ZBTB7C: variants seen among roughly 807,000 people sequenced by gnomAD.
ZBTB7C encodes zinc finger and BTB domain-containing protein 7C.
ZBTB7C carries 8 observed loss-of-function variants against 25.7 expected under a neutral mutation model. The ratio of observed to expected loss-of-function variants is 0.31; its 90% CI spans 0.18 to 0.56. The LOEUF is 0.56. Among genes scored for constraint, ZBTB7C ranks in the 20% least tolerant of loss-of-function variants. The pLI, the probability that ZBTB7C is intolerant of heterozygous loss-of-function variation, is 0.91. For synonymous variants in ZBTB7C, 394 were observed against 369.0 expected, an observed-to-expected ratio of 1.07 and a Z score of -0.78; for missense variants, 824 against 855.2, an observed-to-expected ratio of 0.96 and a Z score of 0.46.
At position 48,154,540 on chromosome 18, in the gene ZBTB7C, C is replaced by G. The variant is rs530869015; in HGVS notation, c.-17+31394G>C. Among the ~76,000 whole-genome samples the G allele has an allele frequency of 7.9e-5, 12 of 152,366 alleles. No individual in the cohort carries two copies. In the East Asian group the frequency reaches 1.7e-3, roughly 22 times the overall value. On this transcript the variant is annotated intron_variant, in intron 3 of 4. Transcript: ENST00000590800. ...CTGTTCAATTCTTTAAGGGTTCCCT[C>G]TCCCGACTTAACAGTCCCTTTGGGT...
At chr18:48,066,150 A>G (rs1279447857) in intron 3 of ZBTB7C, among the ~76,000 whole-genome samples, 1 of 152,190 alleles carries the variant, frequency 6.6e-6, no homozygotes, top group Non-Finnish European at 1.5e-5. Context: ...CTGAGGCCCC[A>G]TAATCCTTGC....
chr18:48,303,489 G>A (rs9304360), intron 2 of ZBTB7C, among the ~76,000 whole-genome samples: 22,240 of 152,222 alleles, frequency 0.15, 1,794 homozygotes, highest in Non-Finnish European at 0.19. Context: ...GACACTACAA[G>A]TTCATTCCTT....
intron 1 of ZBTB7C, among the ~76,000 whole-genome samples, chr18:48,368,418 T>G (rs1258208726): frequency 6.6e-6 from 1 of 151,300 alleles, no homozygotes; most frequent in African/African-American, 2.4e-5. Flanking sequence ...AAAATGAAAA[T>G]AGACTAGGGG....
intron 2 of ZBTB7C, among the ~76,000 whole-genome samples, chr18:48,317,092 G>A (rs530579494): frequency 6.6e-6 from 1 of 152,198 alleles, no homozygotes; most frequent in African/African-American, 2.4e-5. Context: ...GGCCAACATG[G>A]TGAAACCCTG....
chr18:48,109,772 G>A (rs1294201544), intron 3 of ZBTB7C, among the ~76,000 whole-genome samples: 2 of 152,056 alleles, frequency 1.3e-5, no homozygotes, highest in Non-Finnish European at 2.9e-5. Flanking sequence ...ACTACAAAAG[G>A]TATTTATTAA....
intron 3 of ZBTB7C, among the ~76,000 whole-genome samples, chr18:48,167,719 A>G (rs1182135730): frequency 6.6e-6 from 1 of 152,224 alleles, no homozygotes; most frequent in Non-Finnish European, 1.5e-5. Context: ...AACAGGATTA[A>G]TAGTCCTTTT....
At chr18:48,149,672 G>A (rs2040610503) in intron 3 of ZBTB7C, 1 of 152,134 alleles carries the variant, frequency 6.6e-6, no homozygotes, top group Admixed American at 6.6e-5. Flanking sequence ...TCAAAACAAC[G>A]AGCTTGGCCT....
intron 3 of ZBTB7C, among the ~76,000 whole-genome samples, chr18:48,053,294 G>A (rs1244613668): frequency 1.3e-5 from 2 of 152,142 alleles, no homozygotes; most frequent in Non-Finnish European, 2.9e-5. Flanking sequence ...CACCCCACAG[G>A]CCTTGCATGC....
upstream of ZBTB7C, among the ~76,000 whole-genome samples, chr18:48,410,333 C>T (rs1008361991): frequency 5.9e-5 from 9 of 152,216 alleles, no homozygotes; most frequent in African/African-American, 2.2e-4. Flanking sequence ...GCACCCCACA[C>T]GCCGGGGAGC....
intron 3 of ZBTB7C, among the ~76,000 whole-genome samples, chr18:48,064,459 T>C (rs2037244499): frequency 6.6e-6 from 1 of 152,194 alleles, no homozygotes; most frequent in South Asian, 2.1e-4. Context: ...AGAATGGCAA[T>C]AGGCCAGGTG....
intron 1 of ZBTB7C, among the ~76,000 whole-genome samples, chr18:48,363,450 G>T (rs2047156606): frequency 6.6e-6 from 1 of 151,910 alleles, no homozygotes; most frequent in African/African-American, 2.4e-5. Context: ...TGTTATTAAA[G>T]AAAATACCCC....
rs2036151951 is a variant in ZBTB7C, at chr18:48,040,092, C to T, written c.1016G>A (p.Ser339Asn). 6.2e-7 allele frequency: 1 copy of T among 1,610,078 alleles called. No homozygotes were observed. The highest frequency in any genetic ancestry group is 2.2e-5 in the East Asian group (1 of 44,842). Residue 339 changes from serine to asparagine, a missense_variant, in exon 4 of 5, where the codon AGT (serine) becomes AAT (asparagine). Transcript: ENST00000590800. ...GAAGAGGCCTCCCAGGTGGGTGGCACTCAGGAAGTTGAGATAGGCACCGTA... is the reference window on the plus strand; with the variant it reads ...GAAGAGGCCTCCCAGGTGGGTGGCATTCAGGAAGTTGAGATAGGCACCGTA... ...NDYGAYLNFL[S>N]ATHLGGLFPP... is the part of the protein sequence containing the mutation.
At chr18:48,361,896 C>T (rs988559823) in intron 1 of ZBTB7C, among the ~76,000 whole-genome samples, 7 of 152,204 alleles carry the variant, frequency 4.6e-5, no homozygotes, top group African/African-American at 1.7e-4. Flanking sequence ...GTCAGACACA[C>T]AGCCCTCCAG....
intron 2 of ZBTB7C, among the ~76,000 whole-genome samples, chr18:48,272,171 T>A (rs773545397): frequency 6.6e-6 from 1 of 152,202 alleles, no homozygotes; most frequent in Admixed American, 6.5e-5. Flanking sequence ...CCAGATGAGA[T>A]TAACATTTGA....
intron 3 of ZBTB7C, among the ~76,000 whole-genome samples, chr18:48,163,313 C>A (rs778427403): frequency 4.6e-5 from 7 of 152,216 alleles, no homozygotes; most frequent in Non-Finnish European, 1.5e-5. Flanking sequence ...GTTCCCTCAT[C>A]TGTAAAATAG....
chr18:48,207,567 TATC>T (rs2042604500), intron 2 of ZBTB7C, among the ~76,000 whole-genome samples: 1 of 142,898 alleles, frequency 7.0e-6, no homozygotes, highest in Non-Finnish European at 1.6e-5. Flanking sequence ...ATCCACTGCC[TATC>T]ATCTATCTAT....
chr18:48,091,745 G>A (rs1380339010), intron 3 of ZBTB7C, among the ~76,000 whole-genome samples: 2 of 152,184 alleles, frequency 1.3e-5, no homozygotes, highest in Non-Finnish European at 1.5e-5. Context: ...CCCTACTGAT[G>A]TTTTCTGAGT....
intron 3 of ZBTB7C, among the ~76,000 whole-genome samples, chr18:48,107,261 G>C (rs908811716): frequency 6.6e-6 from 1 of 151,748 alleles, no homozygotes; most frequent in Non-Finnish European, 1.5e-5. Flanking sequence ...TCAGGAGGAA[G>C]GGAGGCGGAG....
chr18:48,088,494 C>G (rs2038279934), intron 3 of ZBTB7C: 1 of 152,206 alleles, frequency 6.6e-6, no homozygotes, highest in African/African-American at 2.4e-5. Flanking sequence ...ATGCGCTCAG[C>G]CGATCAAGTG....
Sources: gnomAD v4.1 joint callset for allele counts (sites outside exome capture counted in the v4.1 genomes callset) on GRCh38, gnomAD v4.1.1 for gene constraint, MANE v1.5 for transcripts, NCBI Gene and HGNC (gene_info 2026-07-23, HGNC 2026-07-21) for gene names.